Variants in SERGEF observed in about 807,000 individuals in gnomAD.
SERGEF encodes secretion-regulating guanine nucleotide exchange factor.
Under a neutral mutation model 50.0 loss-of-function variants are expected in SERGEF, and 51 were observed. That is an observed-to-expected ratio of 1.02 (90% CI 0.81 to 1.29). The LOEUF is 1.29. Ranked by LOEUF, SERGEF falls within the 50% of genes most tolerant of loss-of-function variation. The pLI is 0.00. For synonymous variants in SERGEF, 205 were observed against 212.4 expected (o/e 0.97, Z 0.30); for missense variants, 521 against 557.0 (o/e 0.94, Z 0.65).
At chr11:17,942,763 G>A (rs543753563) in intron 9 of SERGEF, among the ~76,000 whole-genome samples, 6 of 152,194 alleles carry the variant, frequency 3.9e-5, no homozygotes, top group Non-Finnish European at 7.4e-5. Flanking sequence ...TTATTAAACT[G>A]CAGAAATTCC....
chr11:18,002,158 T>C (rs562475437), intron 4 of SERGEF: 1 of 372,640 alleles, frequency 2.7e-6, no homozygotes, highest in East Asian at 7.6e-5. Context: ...CTTTTGTTTT[T>C]CCCCAAAAAA....
At position 17,794,157 on chromosome 11, in the gene SERGEF, C is replaced by T. The variant is rs550347884; in HGVS notation, c.1049-5744G>A. Reference sequence around the variant, plus strand: ...ACCACAGAATAAAGACATTTCCCAACCTTTCTTGCAGCTAGCTAGGTGTGA... The same window carrying T: ...ACCACAGAATAAAGACATTTCCCAATCTTTCTTGCAGCTAGCTAGGTGTGA... On this transcript the variant is annotated intron_variant, in intron 10 of 10. Coordinates refer to ENST00000265965, the MANE Select transcript of SERGEF (RefSeq NM_012139.4). Among the ~76,000 whole-genome samples the T allele has an allele frequency of 2.2e-4, 34 of 152,334 alleles. No individual in the cohort carries two copies. In the East Asian group the frequency reaches 6.4e-3, roughly 28 times the overall value.
chr11:17,918,898 T>C (rs954417524), intron 9 of SERGEF: 3 of 336,272 alleles, frequency 8.9e-6, no homozygotes, highest in African/African-American at 6.7e-5. Context: ...GTTATCCCCT[T>C]AGGTGAAGCA....
intron 10 of SERGEF, among the ~76,000 whole-genome samples, chr11:17,875,858 A>G (rs909505257): frequency 5.9e-5 from 9 of 152,196 alleles, no homozygotes; most frequent in African/African-American, 2.2e-4. Flanking sequence ...TGCCTTTTAC[A>G]TGTGGGACAC....
chr11:17,910,837 A>T (rs191564353), intron 9 of SERGEF, among the ~76,000 whole-genome samples: 1 of 152,328 alleles, frequency 6.6e-6, no homozygotes, highest in East Asian at 1.9e-4. Flanking sequence ...TGAATCAGTA[A>T]CAAATACGCT....
chr11:17,983,055 G>C (rs943057733), intron 8 of SERGEF, among the ~76,000 whole-genome samples: 3 of 152,242 alleles, frequency 2.0e-5, no homozygotes, highest in South Asian at 4.2e-4. Flanking sequence ...GCTCTTTAAG[G>C]TAACACTGAA....
intron 9 of SERGEF, among the ~76,000 whole-genome samples, chr11:17,881,969 C>T (rs992057520): frequency 2.0e-5 from 3 of 152,220 alleles, no homozygotes; most frequent in African/African-American, 7.2e-5. Flanking sequence ...CCCTCTGCTA[C>T]TCATGAACCT....
intron 10 of SERGEF, among the ~76,000 whole-genome samples, chr11:17,851,720 T>TA (rs1449592916): frequency 6.6e-6 from 1 of 152,246 alleles, no homozygotes; most frequent in Non-Finnish European, 1.5e-5. Flanking sequence ...TGCTGAAGAC[T>TA]AGAGTAAAAC....
At chr11:17,916,568 T>C (rs186117962) in intron 9 of SERGEF, among the ~76,000 whole-genome samples, 170 of 152,298 alleles carry the variant, frequency 1.1e-3, no homozygotes, top group African/African-American at 3.6e-3. Context: ...TTGGTTAGCA[T>C]AGGAAACACC....
intron 9 of SERGEF, among the ~76,000 whole-genome samples, chr11:17,909,114 G>T (rs1161936591): frequency 6.6e-6 from 1 of 152,198 alleles, no homozygotes; most frequent in Non-Finnish European, 1.5e-5. Context: ...AATGGAAAGA[G>T]GACCGGTTTT....
At chr11:17,947,797 A>C (rs1852692569) in intron 9 of SERGEF, among the ~76,000 whole-genome samples, 1 of 152,212 alleles carries the variant, frequency 6.6e-6, no homozygotes, top group African/African-American at 2.4e-5. Context: ...AATAAGGATA[A>C]ATTATTATAC....
chr11:17,890,839 C>CA (rs1418445380), intron 9 of SERGEF, among the ~76,000 whole-genome samples: 4 of 151,450 alleles, frequency 2.6e-5, no homozygotes, highest in Non-Finnish European at 4.4e-5. Flanking sequence ...TGTCAGAGAG[C>CA]AAAAAAAAGT....
chr11:17,869,474 T>C (rs899749629), intron 10 of SERGEF, among the ~76,000 whole-genome samples: 4 of 152,188 alleles, frequency 2.6e-5, no homozygotes, highest in Non-Finnish European at 5.9e-5. Context: ...ATAATACAAG[T>C]TCTGGAGGCT....
At chr11:17,870,662 C>T (rs150975322) in intron 10 of SERGEF, among the ~76,000 whole-genome samples, 312 of 152,096 alleles carry the variant, frequency 2.1e-3, no homozygotes, top group Admixed American at 4.4e-3. Flanking sequence ...AAAACTAATA[C>T]GGGTGTGAAT....
chr11:17,901,133 A>C (rs1851742506), intron 9 of SERGEF, among the ~76,000 whole-genome samples: 1 of 149,966 alleles, frequency 6.7e-6, no homozygotes, highest in African/African-American at 2.5e-5. Flanking sequence ...TCCTCCTCCC[A>C]CTCCCCAAGT....
chr11:17,890,515 C>T (rs1851512706), intron 9 of SERGEF, among the ~76,000 whole-genome samples: 2 of 152,076 alleles, frequency 1.3e-5, no homozygotes, highest in African/African-American at 4.8e-5. Context: ...GTTTTCTCAG[C>T]TTTGTCCACT....
intron 10 of SERGEF, among the ~76,000 whole-genome samples, chr11:17,871,482 G>C (rs1484192133): frequency 7.1e-6 from 1 of 140,288 alleles, no homozygotes; most frequent in African/African-American, 2.6e-5. Flanking sequence ...AAAAAAAAAA[G>C]AGTAAGCCAC....
chr11:17,818,225 C>A (rs140707951), intron 10 of SERGEF, among the ~76,000 whole-genome samples: 6 of 152,208 alleles, frequency 3.9e-5, no homozygotes, highest in African/African-American at 1.4e-4. Flanking sequence ...GGCAAAGGCT[C>A]AGAGGAACTC....
chr11:17,840,878 T>C (rs1358331037), intron 10 of SERGEF, among the ~76,000 whole-genome samples: 3 of 152,198 alleles, frequency 2.0e-5, no homozygotes, highest in South Asian at 4.1e-4. Flanking sequence ...GTCTACCATA[T>C]AGTAGATATA....
Sources: allele counts gnomAD v4.1 joint callset (sites outside exome capture counted in the v4.1 genomes callset), GRCh38; gene constraint gnomAD v4.1.1; transcripts MANE v1.5; gene names NCBI Gene and HGNC (gene_info 2026-07-23, HGNC 2026-07-21).